FLI1: variants seen among roughly 807,000 people sequenced by gnomAD.
The protein encoded by FLI1 is Friend leukemia integration 1 transcription factor.
FLI1 carries 13 observed loss-of-function variants against 53.1 expected under a neutral mutation model. That is an observed-to-expected ratio of 0.24 (90% CI 0.16 to 0.39). FLI1 has a LOEUF of 0.39. Among genes scored for constraint, FLI1 ranks in the 10% least tolerant of loss-of-function variants. The probability of loss-of-function intolerance (pLI) is 1.00; values close to 1 mark genes in which losing one functional copy is unlikely to be tolerated. For missense variants in FLI1, 424 were observed against 600.5 expected (o/e 0.71, Z 3.07); for synonymous variants, 244 against 236.7 (o/e 1.03, Z -0.28).
intron 2 of FLI1, among the ~76,000 whole-genome samples, chr11:128,763,402 A>G (rs113466199): frequency 0.028 from 4,299 of 152,298 alleles, 181 homozygotes; most frequent in African/African-American, 0.097. Context: ...AGACTTCAGC[A>G]ACTTGATCCA....
chr11:128,799,999 G>A (rs1177006303), intron 5 of FLI1, among the ~76,000 whole-genome samples: 3 of 152,204 alleles, frequency 2.0e-5, no homozygotes, highest in African/African-American at 7.2e-5. Flanking sequence ...CCGCTCACCT[G>A]CAGTTTCTTC....
In FLI1 at chr11:128,739,996, G is replaced by A. The variant is rs536073856; in HGVS notation, c.19-18119G>A. On this transcript the variant is annotated intron_variant, in intron 1 of 8. Coordinates refer to ENST00000527786, the MANE Select transcript of FLI1 (RefSeq NM_002017.5). ...CACTGGCAAGGTCTCTCATCCCCAC[G>A]TGTGAGGGACACATGGGCCTTGGTT... Among the ~76,000 whole-genome samples, 10 of 152,304 alleles carry A rather than the reference G, an allele frequency of 6.6e-5. No individual in the cohort carries two copies. In the East Asian group the frequency reaches 1.2e-3, roughly 18 times the overall value.
intron 1 of FLI1, among the ~76,000 whole-genome samples, chr11:128,754,570 G>A (rs1418886802): frequency 3.3e-5 from 5 of 152,224 alleles, no homozygotes; most frequent in Non-Finnish European, 7.3e-5. Flanking sequence ...GTTGTGCAAT[G>A]TAAGTGTGGC....
At chr11:128,761,707 G>C (rs1051824132) in intron 2 of FLI1, among the ~76,000 whole-genome samples, 2 of 152,110 alleles carry the variant, frequency 1.3e-5, no homozygotes, top group East Asian at 1.9e-4. Context: ...CCTGTGCAAA[G>C]AGGGTCCCCC....
chr11:128,710,195 G>A (rs897462224), intron 1 of FLI1, among the ~76,000 whole-genome samples: 1 of 152,140 alleles, frequency 6.6e-6, no homozygotes, highest in Admixed American at 6.5e-5. Flanking sequence ...CAGAAGTGAA[G>A]GGAAGGAGAA....
chr11:128,767,208 G>T (rs1941377023), intron 2 of FLI1, among the ~76,000 whole-genome samples: 1 of 152,180 alleles, frequency 6.6e-6, no homozygotes, highest in Admixed American at 6.5e-5. Flanking sequence ...GTAGTTCTAG[G>T]CTAAGTTGGA....
At position 128,715,314 on chromosome 11, in the gene FLI1, T is replaced by G. The variant is rs184823476; in HGVS notation, c.18+21038T>G. On this transcript the variant is annotated intron_variant, in intron 1 of 8. Transcript: ENST00000527786. ...TATTTTTGCAATTCCTCTGGCCTTC[T>G]GGTGTTCCCACATGCCTCCACCCCT... Among the ~76,000 whole-genome samples, 7 of 152,390 alleles carry G rather than the reference T, an allele frequency of 4.6e-5. No individual in the cohort carries two copies. The East Asian group carries it at 1.3e-3, about 29-fold the overall frequency.
Position 128,811,297 on chromosome 11 carries a change from AAGCTGT to A in FLI1, c.*311_*316del. 4.6e-6 allele frequency: 2 copies of A among 436,208 alleles called. No individual in the cohort carries two copies. Among genetic ancestry groups the A allele is most frequent in the South Asian group, 3.0e-5 (1 of 33,564 alleles). The allele number at this position is 436,208 out of a possible 1,614,324, so 27.0% of individuals were successfully genotyped here. ...TGGTTAAGTCATGGTTCTGAGAAAG[AAGCTGT>A]ACGTTTTCTTTATGTTTTTATGACC... On this transcript the variant is annotated 3_prime_UTR_variant, in exon 9 of 9. Transcript: ENST00000527786.
intron 5 of FLI1, among the ~76,000 whole-genome samples, chr11:128,790,443 G>A (rs969158261): frequency 1.3e-5 from 2 of 152,200 alleles, no homozygotes; most frequent in East Asian, 1.9e-4. Flanking sequence ...TAGCCAGCCC[G>A]CCCTGTCCTG....
chr11:128,777,245 C>T (rs752425301), intron 4 of FLI1, among the ~76,000 whole-genome samples: 68 of 152,184 alleles, frequency 4.5e-4, no homozygotes, highest in Non-Finnish European at 8.1e-4. Flanking sequence ...CTGGGAGCCC[C>T]GAGGCCCCGG....
chr11:128,782,067 G>A, intron 5 of FLI1, 44 bp downstream of exon 5: 1 of 1,458,516 alleles, frequency 6.9e-7, no homozygotes, highest in South Asian at 1.1e-5. Context: ...TTCTGTACCA[G>A]ACATGACACA....
At chr11:128,781,331 A>G (rs1300945564) in intron 4 of FLI1, among the ~76,000 whole-genome samples, 1 of 152,216 alleles carries the variant, frequency 6.6e-6, no homozygotes, top group Non-Finnish European at 1.5e-5. Context: ...AGAAGATACC[A>G]CAGCAGGAAG....
intron 5 of FLI1, among the ~76,000 whole-genome samples, chr11:128,793,470 C>A (rs1334615490): frequency 2.0e-5 from 3 of 152,134 alleles, no homozygotes; most frequent in Admixed American, 2.0e-4. Context: ...CTCTGGAATG[C>A]CCCACCCCTG....
At chr11:128,689,024 G>T (rs1173235371), upstream of FLI1, among the ~76,000 whole-genome samples, 1 of 152,182 alleles carries the variant, frequency 6.6e-6, no homozygotes, top group East Asian at 1.9e-4. Context: ...TGCCAGGCAA[G>T]TTCTAAAGGC....
At chr11:128,793,699 C>A (rs2135890896) in intron 5 of FLI1, among the ~76,000 whole-genome samples, 1 of 152,316 alleles carries the variant, frequency 6.6e-6, no homozygotes, top group South Asian at 2.1e-4. Flanking sequence ...CTTAAATGCA[C>A]CCTGAATAAA....
At chr11:128,752,030 C>T (rs567649986) in intron 1 of FLI1, among the ~76,000 whole-genome samples, 2 of 152,032 alleles carry the variant, frequency 1.3e-5, no homozygotes, top group African/African-American at 4.8e-5. Flanking sequence ...AGCCAGAGTG[C>T]TGTGCCGCTA....
chr11:128,760,129 G>C (rs1941049316), intron 2 of FLI1, among the ~76,000 whole-genome samples: 1 of 152,194 alleles, frequency 6.6e-6, no homozygotes, highest in South Asian at 2.1e-4. Flanking sequence ...GATGGTGCCG[G>C]AGCTCCTAAC....
rs867211631 is a variant in FLI1 at position 128,700,259 on chromosome 11, C to G, written c.18+5983C>G. Reference sequence around the variant, plus strand: ...AGATAATACCATGATGTCTCTACTTCATATGGAAGAAGTTAAAGTTCAGAG... The same window carrying G: ...AGATAATACCATGATGTCTCTACTTGATATGGAAGAAGTTAAAGTTCAGAG... On this transcript the variant is annotated intron_variant, in intron 1 of 8. Coordinates refer to ENST00000527786, the MANE Select transcript of FLI1 (RefSeq NM_002017.5). Among the ~76,000 whole-genome samples, 14 of 152,224 alleles carry G rather than the reference C, an allele frequency of 9.2e-5. No homozygotes were observed. The South Asian group carries it at 1.4e-3, about 16-fold the overall frequency.
chr11:128,811,228 C>CA lies in FLI1; in HGVS notation c.*241dup. 1.8e-6 allele frequency: 1 copy of CA among 551,434 alleles called. No homozygotes were observed. The highest frequency in any genetic ancestry group is 3.2e-6 in the Non-Finnish European group (1 of 312,200). 34.2% of individuals were successfully genotyped at this position (551,434 alleles called of 1,614,324 possible). Reference sequence around the variant, plus strand: ...GGGCCAGTATGCCAGTTTGAATTCTCAGTCTCCTAGCATCTTGTGAGTTGC... The same window carrying CA: ...GGGCCAGTATGCCAGTTTGAATTCTCAAGTCTCCTAGCATCTTGTGAGTTGC... On this transcript the variant is annotated 3_prime_UTR_variant, in exon 9 of 9. Coordinates refer to ENST00000527786, the MANE Select transcript of FLI1 (RefSeq NM_002017.5).
Sources: allele counts gnomAD v4.1 joint callset (sites outside exome capture counted in the v4.1 genomes callset), GRCh38; gene constraint gnomAD v4.1.1; transcripts MANE v1.5; gene names NCBI Gene and HGNC (gene_info 2026-07-23, HGNC 2026-07-21).